The following MED13L variants were observed in gnomAD, a reference collection of about 807,000 sequenced individuals.
The protein encoded by MED13L is mediator of RNA polymerase II transcription subunit 13-like.
In MED13L, 7 loss-of-function variants were observed where a neutral mutation model predicts 220.9. The ratio of observed to expected loss-of-function variants is 0.03; its 90% CI spans 0.02 to 0.06. MED13L has a LOEUF of 0.06. Among genes scored for constraint, MED13L ranks in the 10% least tolerant of loss-of-function variants. MED13L has a pLI of 1.00. For synonymous variants in MED13L, 1,011 were observed against 1,015.2 expected, an observed-to-expected ratio of 1.00 and a Z score of 0.08; for missense variants, 1,965 against 2,760.5, an observed-to-expected ratio of 0.71 and a Z score of 6.46.
intron 4 of MED13L, among the ~76,000 whole-genome samples, chr12:116,029,131 T>C (rs916753394): frequency 5.3e-5 from 8 of 150,162 alleles, no homozygotes; most frequent in South Asian, 2.1e-4. Context: ...ATAATCTACA[T>C]AGAAATGAGA....
At chr12:116,122,673 C>T (rs1193445583) in intron 2 of MED13L, among the ~76,000 whole-genome samples, 1 of 152,140 alleles carries the variant, frequency 6.6e-6, no homozygotes, top group Non-Finnish European at 1.5e-5. Flanking sequence ...ATTTGGCAGA[C>T]AGAAGCACAA....
chr12:116,180,765 T>C (rs1880461770), intron 2 of MED13L, among the ~76,000 whole-genome samples: 1 of 152,170 alleles, frequency 6.6e-6, no homozygotes, highest in Non-Finnish European at 1.5e-5. Context: ...GATTAAGTGG[T>C]TTCAGTAGAT....
chr12:116,101,317 T>C (rs750608346), intron 3 of MED13L, among the ~76,000 whole-genome samples: 1 of 152,204 alleles, frequency 6.6e-6, no homozygotes, highest in Non-Finnish European at 1.5e-5. Flanking sequence ...TCAACAAATA[T>C]TTAAGTGCCC....
At chr12:116,125,003 AGT>A (rs1441937648) in intron 2 of MED13L, among the ~76,000 whole-genome samples, 2 of 152,232 alleles carry the variant, frequency 1.3e-5, no homozygotes, top group African/African-American at 4.8e-5. Context: ...GCAATTAAAA[AGT>A]CTCTTTTTTA....
At chr12:116,014,119 G>A (rs1879583894) in intron 8 of MED13L, among the ~76,000 whole-genome samples, 1 of 152,130 alleles carries the variant, frequency 6.6e-6, no homozygotes, top group Non-Finnish European at 1.5e-5. Context: ...TTATTTTAGA[G>A]CTCTCTACTA....
At chr12:116,076,311 A>G (rs1050007744) in intron 4 of MED13L, among the ~76,000 whole-genome samples, 7 of 152,160 alleles carry the variant, frequency 4.6e-5, no homozygotes, top group African/African-American at 1.4e-4. Context: ...CTGATAACAG[A>G]GGACTGCTTG....
chr12:116,180,244 T>C (rs986855720), intron 2 of MED13L, among the ~76,000 whole-genome samples: 1 of 152,132 alleles, frequency 6.6e-6, no homozygotes, highest in African/African-American at 2.4e-5. Flanking sequence ...TCAATACAGG[T>C]TGAGCATTCC....
chr12:116,251,666 C>T (rs891811689), intron 1 of MED13L, among the ~76,000 whole-genome samples: 10 of 150,928 alleles, frequency 6.6e-5, no homozygotes, highest in African/African-American at 2.4e-4. Flanking sequence ...GAGGCTGAGG[C>T]AGGAGAATGG....
At position 116,006,195 on chromosome 12, in the gene MED13L, G is replaced by A; in HGVS notation, c.2344+111C>T. Reference sequence around the variant, plus strand: ...AACAAACTATGAAAAATATATTAAAGATGAGATGAAATTCTTATTACAATA... The same window carrying A: ...AACAAACTATGAAAAATATATTAAAAATGAGATGAAATTCTTATTACAATA... On this transcript the variant is annotated intron_variant, in intron 12 of 30. Transcript: ENST00000281928. 6 of 1,228,272 alleles carry A rather than the reference G, an allele frequency of 4.9e-6. No individual in the cohort carries two copies. In the South Asian group the frequency reaches 5.2e-5, roughly 11 times the overall value. 76.1% of individuals were successfully genotyped at this position (1,228,272 alleles called of 1,614,324 possible).
intron 2 of MED13L, among the ~76,000 whole-genome samples, chr12:116,124,162 G>GAGAC (rs1875372273): frequency 7.2e-6 from 1 of 138,818 alleles, no homozygotes; most frequent in African/African-American, 2.7e-5. Flanking sequence ...CAGAGACAGA[G>GAGAC]AGAGACAGAG....
intron 2 of MED13L, among the ~76,000 whole-genome samples, chr12:116,221,722 CTT>C (rs1330591573): frequency 2.0e-5 from 3 of 152,106 alleles, no homozygotes; most frequent in Non-Finnish European, 2.9e-5. Flanking sequence ...GAACAATAAT[CTT>C]TGTTAATCAA....
chr12:116,104,735 T>C (rs1054333491), intron 3 of MED13L, among the ~76,000 whole-genome samples: 20 of 152,218 alleles, frequency 1.3e-4, no homozygotes, highest in African/African-American at 3.6e-4. Context: ...ATCATCTGCA[T>C]TTCAGAGAAA....
chr12:116,129,908 CA>C (rs572694841), intron 2 of MED13L, among the ~76,000 whole-genome samples: 160 of 95,352 alleles, frequency 1.7e-3, no homozygotes, highest in Admixed American at 1.8e-3. Flanking sequence ...GACTCAGTCT[CA>C]AAAAAAAAAA....
rs141213568 is a variant in MED13L at position 116,157,622 on chromosome 12, G to A, written c.311-46110C>T. Among the ~76,000 whole-genome samples the A allele has an allele frequency of 7.2e-5, 11 of 152,296 alleles. No homozygotes were observed. The East Asian group carries it at 7.7e-4, about 11-fold the overall frequency. ...GCACTATGCATCCTACTACCTCTCC[G>A]TTTTACAGAAAGCACACAAATATCT... On this transcript the variant is annotated intron_variant, in intron 2 of 30. Transcript: ENST00000281928.
chr12:116,046,202 A>G (rs1432552561), intron 4 of MED13L, among the ~76,000 whole-genome samples: 1 of 152,216 alleles, frequency 6.6e-6, no homozygotes, highest in East Asian at 1.9e-4. Context: ...GTTCTGTTTG[A>G]CAAGTGCTGA....
At chr12:115,986,206 C>T (rs1469671777) in intron 19 of MED13L, 60 bp downstream of exon 19, 1 of 1,469,538 alleles carries the variant, frequency 6.8e-7, no homozygotes, top group Non-Finnish European at 9.5e-7. Flanking sequence ...ATTTAGTCAT[C>T]ACTATAAACA....
chr12:116,049,721 AT>A (rs1737873406), intron 4 of MED13L, among the ~76,000 whole-genome samples: 1 of 152,226 alleles, frequency 6.6e-6, no homozygotes, highest in Non-Finnish European at 1.5e-5. Context: ...TATTCAAACA[AT>A]TTAGGAAGGT....
In MED13L at chr12:116,204,550, C is replaced by T. The variant is rs183832062; in HGVS notation, c.310+32918G>A. 2.0e-5 allele frequency among the ~76,000 whole-genome samples: 3 copies of T among 152,336 alleles called. No homozygotes were observed. In the East Asian group the frequency reaches 5.8e-4, roughly 29 times the overall value. On this transcript the variant is annotated intron_variant, in intron 2 of 30. Coordinates refer to ENST00000281928, the MANE Select transcript of MED13L (RefSeq NM_015335.5). ...AAACCTTTCACCAACTGCCTTTCTT[C>T]TAGTATGTGTTCTGGTGTTTGCTGT...
intron 16 of MED13L, among the ~76,000 whole-genome samples, chr12:115,994,413 G>A (rs1878266870): frequency 1.3e-5 from 2 of 152,054 alleles, no homozygotes; most frequent in Admixed American, 1.3e-4. Flanking sequence ...TTGTGCCACT[G>A]TACTCCAGCC....
Sources: gnomAD v4.1 joint callset for allele counts (sites outside exome capture counted in the v4.1 genomes callset) on GRCh38, gnomAD v4.1.1 for gene constraint, MANE v1.5 for transcripts, NCBI Gene and HGNC (gene_info 2026-07-23, HGNC 2026-07-21) for gene names.